The following SEC14L1 variants were observed in gnomAD, a reference collection of about 807,000 sequenced individuals.
The protein encoded by SEC14L1 is SEC14 like lipid binding 1.
In SEC14L1, 48 loss-of-function variants were observed where a neutral mutation model predicts 85.3. The observed-to-expected ratio is 0.56, with a 90% confidence interval of 0.45 to 0.72. The LOEUF (loss-of-function observed/expected upper bound fraction) is 0.72, where lower values mean the gene tolerates loss of function less well. Among genes scored for constraint, SEC14L1 ranks in the 30% least tolerant of loss-of-function variants. The pLI is 0.00. For missense variants in SEC14L1, 682 were observed against 921.4 expected, an observed-to-expected ratio of 0.74 and a Z score of 3.36; for synonymous variants, 391 against 355.5, an observed-to-expected ratio of 1.10 and a Z score of -1.12.
At chr17:77,156,156 C>A (rs35037650) in intron 3 of SEC14L1, among the ~76,000 whole-genome samples, 49,825 of 151,938 alleles carry the variant, frequency 0.33, 8,802 homozygotes, top group South Asian at 0.43. Flanking sequence ...GGTGGAGGTT[C>A]CTCTCTGTGC....
chr17:77,102,892 C>T (rs1280966097), intron 3 of SEC14L1, among the ~76,000 whole-genome samples: 1 of 152,150 alleles, frequency 6.6e-6, no homozygotes, highest in Non-Finnish European at 1.5e-5. Flanking sequence ...ACCTCGAACT[C>T]CTGGGCTCGA....
rs1975654749 is a variant in SEC14L1, at chr17:77,193,674, A to T, written c.474+125A>T. On this transcript the variant is annotated intron_variant, in intron 6 of 16. Transcript: ENST00000436233. ...CATTTCTTGGGTGGAAGATGCTATG[A>T]TCCCTACCCCCTGCCTCATCTTTAG... is the stretch of plus-strand genomic sequence containing the variant. 2.2e-5 allele frequency: 22 copies of T among 989,886 alleles called. No individual in the cohort carries two copies. The South Asian group carries it at 3.7e-4, about 17-fold the overall frequency. The allele number at this position is 989,886 out of a possible 1,614,324, so 61.3% of individuals were successfully genotyped here.
chr17:77,191,954 G>A (rs898647937), intron 5 of SEC14L1, among the ~76,000 whole-genome samples: 1 of 151,798 alleles, frequency 6.6e-6, no homozygotes, highest in Non-Finnish European at 1.5e-5. Context: ...TCGCCACCAC[G>A]CCCGGCTAAT....
At chr17:77,192,116 C>T (rs1351289865) in intron 5 of SEC14L1, among the ~76,000 whole-genome samples, 2 of 152,138 alleles carry the variant, frequency 1.3e-5, no homozygotes, top group African/African-American at 2.4e-5. Context: ...ATTCATATGC[C>T]ACTTCTTTTC....
At chr17:77,139,160 A>ATTTT (rs749541191), upstream of SEC14L1, among the ~76,000 whole-genome samples, 1 of 120,160 alleles carries the variant, frequency 8.3e-6, no homozygotes, top group Non-Finnish European at 1.7e-5. Context: ...GGTCAGGTGA[A>ATTTT]TTTTTTTTTT....
intron 11 of SEC14L1, among the ~76,000 whole-genome samples, chr17:77,205,865 A>G (rs1567933332): frequency 1.3e-5 from 2 of 152,166 alleles, no homozygotes; most frequent in African/African-American, 4.8e-5. Flanking sequence ...TTCAGATGCA[A>G]TATGTGTTAA....
rs923731186 is a variant in SEC14L1 at position 77,206,694 on chromosome 17, G to A, written c.1342-34G>A. The A allele has an allele frequency of 1.9e-6, 3 of 1,567,602 alleles. No homozygotes were observed. In the African/African-American group the frequency reaches 4.1e-5, roughly 21 times the overall value. On this transcript the variant is annotated intron_variant, in intron 12 of 16. Coordinates refer to ENST00000436233, the MANE Select transcript of SEC14L1 (RefSeq NM_001143998.2). This position sits in a 1 kb window ranked among gnomAD's most constrained non-coding sequence, Gnocchi z 4.3. ...TAATCTTGGACACTCAGGCAGCAGA[G>A]AAATATGACTGCATGGTCTTCTCCT...
intron 3 of SEC14L1, among the ~76,000 whole-genome samples, chr17:77,107,811 T>A (rs976790135): frequency 1.3e-5 from 2 of 152,238 alleles, no homozygotes; most frequent in African/African-American, 4.8e-5. Flanking sequence ...TGGAGCTTGC[T>A]GACACTATCA....
At chr17:77,166,167 C>T (rs924615056) in intron 3 of SEC14L1, among the ~76,000 whole-genome samples, 1 of 152,150 alleles carries the variant, frequency 6.6e-6, no homozygotes, top group Non-Finnish European at 1.5e-5. Context: ...TGTCGAACTC[C>T]TGGGCTCAAG....
Position 77,155,625 on chromosome 17 carries a change from T to G in SEC14L1, c.63+11966T>G, listed in dbSNP as rs562996640. 7.7e-4 allele frequency among the ~76,000 whole-genome samples: 118 copies of G among 152,318 alleles called. 1 individual carries two copies. The highest frequency in any genetic ancestry group is 2.4e-3 in the African/African-American group (100 of 41,564). ...TCTGGACCCTGAGTCTACCCCTCAC[T>G]CTTCTGCTCGTCCTTGGGGCTGCTG... On this transcript the variant is annotated intron_variant, in intron 3 of 16. Coordinates refer to ENST00000436233, the MANE Select transcript of SEC14L1 (RefSeq NM_001143998.2).
intron 3 of SEC14L1, among the ~76,000 whole-genome samples, chr17:77,104,430 C>CT (rs111712879): frequency 0.54 from 73,255 of 135,714 alleles, 19,931 homozygotes; most frequent in Non-Finnish European, 0.56. Flanking sequence ...CTTGTGTTTA[C>CT]TTTTTTTTTT....
intron 15 of SEC14L1, chr17:77,212,575 A>AG: frequency 4.0e-6 from 1 of 248,980 alleles, no homozygotes; most frequent in Middle Eastern, 1.4e-3. Context: ...ACAAGTACTT[A>AG]GAGAACTATT....
chr17:77,097,039 C>T (rs997480879), intron 3 of SEC14L1, among the ~76,000 whole-genome samples: 11 of 152,158 alleles, frequency 7.2e-5, no homozygotes, highest in Admixed American at 3.9e-4. Context: ...GAGATAAGAG[C>T]GTGTTCTAAT....
At chr17:77,168,309 AT>A (rs981159009) in intron 3 of SEC14L1, among the ~76,000 whole-genome samples, 1 of 152,106 alleles carries the variant, frequency 6.6e-6, no homozygotes, top group Non-Finnish European at 1.5e-5. Flanking sequence ...TCCTCTTCAC[AT>A]TTTTTTAACA....
intron 3 of SEC14L1, among the ~76,000 whole-genome samples, chr17:77,159,327 A>G (rs531289521): frequency 6.6e-6 from 1 of 151,358 alleles, no homozygotes; most frequent in African/African-American, 2.4e-5. Context: ...TGGGCCTCCC[A>G]AAGTGCTGGG....
At chr17:77,163,204 G>A (rs1003097693) in intron 3 of SEC14L1, among the ~76,000 whole-genome samples, 5 of 152,138 alleles carry the variant, frequency 3.3e-5, no homozygotes, top group African/African-American at 1.2e-4. Context: ...TCGATGATAC[G>A]AATTGGACTT....
At chr17:77,100,375 T>G (rs76345624) in intron 3 of SEC14L1, among the ~76,000 whole-genome samples, 1,784 of 150,090 alleles carry the variant, frequency 0.012, 44 homozygotes, top group South Asian at 0.047. Context: ...TAATTTCCCC[T>G]TCCTTGGCTG....
chr17:77,186,413 A>G (rs1295022271), intron 3 of SEC14L1, among the ~76,000 whole-genome samples: 1 of 152,040 alleles, frequency 6.6e-6, no homozygotes, highest in East Asian at 1.9e-4. Context: ...CTCTCTCTCA[A>G]AGGCTTTCCC....
At chr17:77,130,024 G>C (rs1406371935) in intron 3 of SEC14L1, 1 of 152,170 alleles carries the variant, frequency 6.6e-6, no homozygotes, top group Non-Finnish European at 1.5e-5. Context: ...AAAGAAATAT[G>C]ATTGGGTAGG....
Sources: allele counts gnomAD v4.1 joint callset (sites outside exome capture counted in the v4.1 genomes callset), GRCh38; gene constraint gnomAD v4.1.1; non-coding constraint Gnocchi (gnomAD v3.1); transcripts MANE v1.5; gene names NCBI Gene and HGNC (gene_info 2026-07-23, HGNC 2026-07-21).